CPQ: variants seen among roughly 807,000 people sequenced by gnomAD.
CPQ encodes Ser-Met dipeptidase.
A neutral mutation model predicts 45.7 loss-of-function variants in CPQ; 37 were observed. That is an observed-to-expected ratio of 0.81 (90% CI 0.62 to 1.07). The LOEUF is 1.07. CPQ is among the 50% of genes least tolerant of loss of function. The pLI is 0.00. For synonymous variants in CPQ, 186 were observed against 205.8 expected, an observed-to-expected ratio of 0.90 and a Z score of 0.82; for missense variants, 537 against 572.9, an observed-to-expected ratio of 0.94 and a Z score of 0.64.
intron 7 of CPQ, among the ~76,000 whole-genome samples, chr8:97,136,305 G>GT (rs1812056863): frequency 6.6e-6 from 1 of 152,146 alleles, no homozygotes; most frequent in Admixed American, 6.6e-5. Context: ...AAAAGCGATC[G>GT]TCACAACTTT....
intron 5 of CPQ, among the ~76,000 whole-genome samples, chr8:96,980,990 A>G (rs1813885170): frequency 6.6e-6 from 1 of 152,218 alleles, no homozygotes; most frequent in South Asian, 2.1e-4. Context: ...AGAAAAATTT[A>G]TAATATTCCT....
chr8:96,906,429 T>C (rs542173969), intron 4 of CPQ, among the ~76,000 whole-genome samples: 1 of 152,290 alleles, frequency 6.6e-6, no homozygotes, highest in African/African-American at 2.4e-5. Flanking sequence ...AACCCCAGCA[T>C]ACAGCACAAG....
At chr8:96,991,724 A>T (rs1489180889) in intron 5 of CPQ, among the ~76,000 whole-genome samples, 1 of 152,152 alleles carries the variant, frequency 6.6e-6, no homozygotes, top group Non-Finnish European at 1.5e-5. Flanking sequence ...GAACCCTAGT[A>T]GGACATGTAC....
At chr8:97,042,558 G>GTTCTT (rs1045350872) in intron 6 of CPQ, among the ~76,000 whole-genome samples, 1 of 151,626 alleles carries the variant, frequency 6.6e-6, no homozygotes, top group Non-Finnish European at 1.5e-5. Context: ...TGCTTTTCTA[G>GTTCTT]TTCTTTTAAT....
intron 5 of CPQ, among the ~76,000 whole-genome samples, chr8:97,005,706 TTAA>T (rs1300428793): frequency 6.6e-6 from 1 of 152,128 alleles, no homozygotes; most frequent in East Asian, 1.9e-4. Context: ...CTCTAACATG[TTAA>T]TAGCATATAT....
chr8:97,018,277 A>C (rs891382233), intron 5 of CPQ, among the ~76,000 whole-genome samples: 7 of 152,194 alleles, frequency 4.6e-5, no homozygotes, highest in African/African-American at 1.7e-4. Flanking sequence ...GAGCTGACCC[A>C]AATGAGAAGG....
intron 4 of CPQ, among the ~76,000 whole-genome samples, chr8:96,907,735 A>G (rs1052780769): frequency 6.6e-6 from 1 of 151,994 alleles, no homozygotes; most frequent in East Asian, 1.9e-4. Context: ...ATCCTGGGCA[A>G]TGTGGATGCT....
intron 7 of CPQ, among the ~76,000 whole-genome samples, chr8:97,112,939 T>C (rs1344239830): frequency 6.6e-6 from 1 of 152,166 alleles, no homozygotes; most frequent in Admixed American, 6.5e-5. Context: ...AGGGAAGCCA[T>C]TTCGGGGATA....
intron 7 of CPQ, among the ~76,000 whole-genome samples, chr8:97,098,908 A>C (rs924241269): frequency 1.2e-4 from 19 of 152,124 alleles, no homozygotes; most frequent in African/African-American, 3.4e-4. Context: ...TCACACCCCC[A>C]CACACACATA....
intron 3 of CPQ, 63 bp downstream of exon 3, chr8:96,835,243 C>T (rs1436704929): frequency 7.8e-7 from 1 of 1,285,036 alleles, no homozygotes; most frequent in African/African-American, 1.5e-5. Context: ...AGGAAAAGTC[C>T]TTATGAAGTA....
intron 1 of CPQ, among the ~76,000 whole-genome samples, chr8:96,778,562 T>C (rs919516937): frequency 1.8e-4 from 27 of 152,186 alleles, no homozygotes; most frequent in African/African-American, 5.8e-4. Context: ...GCTACCGATA[T>C]ACTCAGGGAA....
At chr8:96,917,085 T>C (rs917517017) in intron 4 of CPQ, among the ~76,000 whole-genome samples, 4 of 152,020 alleles carry the variant, frequency 2.6e-5, no homozygotes, top group Admixed American at 6.6e-5. Context: ...ACACTGTGTG[T>C]AGCCCACACT....
chr8:96,832,754 T>A (rs948546940), intron 2 of CPQ, among the ~76,000 whole-genome samples: 1 of 152,100 alleles, frequency 6.6e-6, no homozygotes, highest in Non-Finnish European at 1.5e-5. Flanking sequence ...TAGGTAGGTG[T>A]CTATACAGGG....
chr8:97,046,585 G>A (rs80254174), intron 6 of CPQ, among the ~76,000 whole-genome samples: 2 of 152,122 alleles, frequency 1.3e-5, no homozygotes, highest in African/African-American at 4.8e-5. Flanking sequence ...TAGTTAAAAC[G>A]GGAGTGTAAT....
At chr8:96,927,492 C>T (rs764246404) in intron 4 of CPQ, among the ~76,000 whole-genome samples, 3 of 152,160 alleles carry the variant, frequency 2.0e-5, no homozygotes, top group Admixed American at 6.5e-5. Context: ...GGCCAAGCCC[C>T]AGGGGCTCCA....
At chr8:97,089,359 A>G (rs1227573188) in intron 7 of CPQ, among the ~76,000 whole-genome samples, 2 of 152,204 alleles carry the variant, frequency 1.3e-5, no homozygotes, top group Non-Finnish European at 2.9e-5. Flanking sequence ...TTACCTTACA[A>G]TGTGTTTGCA....
chr8:96,963,109 G>A (rs971068805), intron 4 of CPQ, among the ~76,000 whole-genome samples: 12 of 152,130 alleles, frequency 7.9e-5, no homozygotes, highest in Admixed American at 2.0e-4. Flanking sequence ...AAGTATGATC[G>A]TAAACAACTT....
At chr8:97,062,341 C>G (rs534324380) in intron 6 of CPQ, among the ~76,000 whole-genome samples, 77 of 152,280 alleles carry the variant, frequency 5.1e-4, no homozygotes, top group Non-Finnish European at 7.3e-5. Flanking sequence ...AGGCCATTCA[C>G]CTGCCTTGGT....
chr8:96,656,180 C>T (rs141419199), intron 1 of CPQ, among the ~76,000 whole-genome samples: 133 of 152,312 alleles, frequency 8.7e-4, no homozygotes, highest in African/African-American at 3.2e-3. Context: ...CTGGTCTTTA[C>T]AGGTATTCTT....
Sources: gnomAD v4.1 joint callset for allele counts (sites outside exome capture counted in the v4.1 genomes callset) on GRCh38, gnomAD v4.1.1 for gene constraint, MANE v1.5 for transcripts, NCBI Gene and HGNC (gene_info 2026-07-23, HGNC 2026-07-21) for gene names.